ST3GAL3: variants seen among roughly 807,000 people sequenced by gnomAD.
ST3GAL3 encodes the protein ST3 beta-galactoside alpha-2,3-sialyltransferase 3.
A neutral mutation model predicts 50.1 loss-of-function variants in ST3GAL3; 21 were observed. The observed-to-expected ratio is 0.42, with a 90% CI of 0.30 to 0.60. The LOEUF is 0.60. ST3GAL3 is among the 20% of genes least tolerant of loss of function. ST3GAL3 has a pLI of 0.19. For synonymous variants in ST3GAL3, 183 were observed against 190.0 expected, an observed-to-expected ratio of 0.96 and a Z score of 0.30; for missense variants, 353 against 489.4, an observed-to-expected ratio of 0.72 and a Z score of 2.63.
intron 2 of ST3GAL3, among the ~76,000 whole-genome samples, chr1:43,747,226 G>GT (rs1210133783): frequency 6.6e-6 from 1 of 152,082 alleles, no homozygotes; most frequent in Non-Finnish European, 1.5e-5. Flanking sequence ...TGGCCAGCAT[G>GT]GTGAAACCCC....
At chr1:43,844,653 T>TA (rs1558548077) in intron 5 of ST3GAL3, among the ~76,000 whole-genome samples, 1 of 151,000 alleles carries the variant, frequency 6.6e-6, no homozygotes, top group South Asian at 2.1e-4. Context: ...CTACCAAAAA[T>TA]AAAAAAAAAT....
chr1:43,839,659 A>G (rs1226075302), intron 5 of ST3GAL3: 1 of 152,222 alleles, frequency 6.6e-6, no homozygotes, highest in African/African-American at 2.4e-5. Flanking sequence ...TTGCATGTCT[A>G]TGAAAAAACA....
At chr1:43,916,360 G>A (rs1276734242) in intron 9 of ST3GAL3, among the ~76,000 whole-genome samples, 1 of 152,130 alleles carries the variant, frequency 6.6e-6, no homozygotes, top group African/African-American at 2.4e-5. Context: ...GATCTGTACC[G>A]TTCTAAGCAG....
chr1:43,753,193 C>T (rs895470223), intron 2 of ST3GAL3, among the ~76,000 whole-genome samples: 1 of 152,206 alleles, frequency 6.6e-6, no homozygotes, highest in Non-Finnish European at 1.5e-5. Flanking sequence ...TTCCAGAGAA[C>T]TGTAGGGACC....
intron 5 of ST3GAL3, among the ~76,000 whole-genome samples, chr1:43,865,449 C>T (rs1025491424): frequency 1.3e-5 from 2 of 152,236 alleles, no homozygotes; most frequent in Non-Finnish European, 2.9e-5. Flanking sequence ...CAACTTGAAA[C>T]CTGTTTACTT....
chr1:43,736,177 A>C, intron 1 of ST3GAL3, 56 bp from the exon 2 acceptor site: 1 of 1,473,674 alleles, frequency 6.8e-7, no homozygotes, highest in Non-Finnish European at 9.5e-7. Context: ...TTAAGAGAGA[A>C]TATATCAATA....
chr1:43,765,086 C>T (rs1375654412), intron 2 of ST3GAL3, among the ~76,000 whole-genome samples: 6 of 152,084 alleles, frequency 3.9e-5, no homozygotes, highest in Non-Finnish European at 8.8e-5. Context: ...AACCAACTAC[C>T]CCCAAATTTC....
intron 11 of ST3GAL3, among the ~76,000 whole-genome samples, chr1:43,923,833 T>G (rs1257152477): frequency 6.6e-6 from 1 of 152,104 alleles, no homozygotes; most frequent in Non-Finnish European, 1.5e-5. Context: ...CAAGCTGGTC[T>G]TGAACTCCTG....
At chr1:43,891,888 A>G (rs1269070434) in intron 5 of ST3GAL3, among the ~76,000 whole-genome samples, 1 of 152,246 alleles carries the variant, frequency 6.6e-6, no homozygotes, top group Non-Finnish European at 1.5e-5. Flanking sequence ...TGCTACAAGC[A>G]TTCTGTGCAG....
chr1:43,817,171 C>T (rs1006019338), intron 4 of ST3GAL3, among the ~76,000 whole-genome samples: 3 of 152,172 alleles, frequency 2.0e-5, no homozygotes, highest in African/African-American at 7.2e-5. Flanking sequence ...CTTTCTGAAT[C>T]CCAATTTTCC....
rs528762885 is a variant in ST3GAL3, at chr1:43,838,162, A to G, written c.210-57A>G. On this transcript the variant is annotated intron_variant, in intron 4 of 11. Transcript: ENST00000347631. Reference sequence around the variant, plus strand: ...AACACCTACAGCTCCTTATGAATTAATAACCCACTCAGTGCTCAGTGCCTG... The same window carrying G: ...AACACCTACAGCTCCTTATGAATTAGTAACCCACTCAGTGCTCAGTGCCTG... The G allele has an allele frequency of 6.6e-4, 733 of 1,104,578 alleles. 2 individuals carry two copies. Among genetic ancestry groups the G allele is most frequent in the South Asian group, 7.9e-4 (65 of 81,958 alleles). 68.4% of individuals were successfully genotyped at this position (1,104,578 alleles called of 1,614,324 possible).
At position 43,930,400 on chromosome 1, in the gene ST3GAL3, C is replaced by T. The variant is rs2084865531; in HGVS notation, c.*179C>T. 1 of 667,868 alleles carries T rather than the reference C, an allele frequency of 1.5e-6. No individual in the cohort carries two copies. The highest frequency in any genetic ancestry group is 2.7e-6 in the Non-Finnish European group (1 of 369,996). 41.4% of individuals were successfully genotyped at this position (667,868 alleles called of 1,614,324 possible). The stretch of plus-strand genomic sequence containing the variant: ...GCAGCCAGTCTCAGAGACCAGCACT[C>T]AGCCTCATTCAGCATGGGTCCTTGA... On this transcript the variant is annotated 3_prime_UTR_variant, in exon 12 of 12. Coordinates refer to ENST00000347631, the MANE Select transcript of ST3GAL3 (RefSeq NM_006279.5).
At chr1:43,817,602 C>G (rs1407645406) in intron 4 of ST3GAL3, among the ~76,000 whole-genome samples, 1 of 33,168 alleles carries the variant, frequency 3.0e-5, no homozygotes. Context: ...CTCCTCCCTT[C>G]TCCTTCTCCT....
intron 4 of ST3GAL3, among the ~76,000 whole-genome samples, chr1:43,832,977 G>A (rs1304891815): frequency 3.9e-5 from 6 of 152,224 alleles, no homozygotes; most frequent in Admixed American, 2.0e-4. Context: ...CTGCTGGGTT[G>A]TTAGGCAGTG....
At chr1:43,769,064 C>G (rs1296124273) in intron 2 of ST3GAL3, among the ~76,000 whole-genome samples, 1 of 152,084 alleles carries the variant, frequency 6.6e-6, no homozygotes, top group Non-Finnish European at 1.5e-5. Flanking sequence ...AGTAGTTGGG[C>G]TTATCCTAAT....
intron 5 of ST3GAL3, among the ~76,000 whole-genome samples, chr1:43,856,646 A>G (rs574227808): frequency 6.6e-6 from 1 of 152,358 alleles, no homozygotes; most frequent in East Asian, 1.9e-4. Flanking sequence ...ATGCCTGTCC[A>G]TGACCTGGAC....
chr1:43,810,207 C>G (rs2060394110), intron 3 of ST3GAL3, among the ~76,000 whole-genome samples: 1 of 152,000 alleles, frequency 6.6e-6, no homozygotes, highest in Non-Finnish European at 1.5e-5. Flanking sequence ...ACCCACAGAT[C>G]CAAGAGCCCC....
chr1:43,893,814 C>G (rs934153846), intron 5 of ST3GAL3, among the ~76,000 whole-genome samples: 9 of 152,126 alleles, frequency 5.9e-5, no homozygotes, highest in Admixed American at 4.6e-4. Context: ...CCCCTCGGCC[C>G]TGCCTCCTAG....
At chr1:43,750,210 C>G (rs1220760198) in intron 2 of ST3GAL3, among the ~76,000 whole-genome samples, 3 of 152,176 alleles carry the variant, frequency 2.0e-5, no homozygotes, top group Admixed American at 1.3e-4. Context: ...CTTAGCAACT[C>G]TCTTGTGTTT....
Sources: allele counts gnomAD v4.1 joint callset (sites outside exome capture counted in the v4.1 genomes callset), GRCh38; gene constraint gnomAD v4.1.1; transcripts MANE v1.5; gene names NCBI Gene and HGNC (gene_info 2026-07-23, HGNC 2026-07-21).